TMEM150B: variants seen among roughly 807,000 people sequenced by gnomAD.
TMEM150B encodes the protein modulator of macroautophagy TMEM150B.
A neutral mutation model predicts 25.2 loss-of-function variants in TMEM150B; 33 were observed. The ratio of observed to expected loss-of-function variants is 1.31; its 90% confidence interval spans 0.99 to 1.75. TMEM150B has a LOEUF of 1.75. TMEM150B is among the 40% of genes most tolerant of loss of function. The pLI is 0.00. For synonymous variants in TMEM150B, 133 were observed against 134.8 expected, an observed-to-expected ratio of 0.99 and a Z score of 0.09; for missense variants, 322 against 306.1, an observed-to-expected ratio of 1.05 and a Z score of -0.39.
intron 1 of TMEM150B, among the ~76,000 whole-genome samples, chr19:55,323,492 A>G (rs1273979489): frequency 6.6e-6 from 1 of 151,664 alleles, no homozygotes; most frequent in Non-Finnish European, 1.5e-5. Flanking sequence ...AATGTTATGC[A>G]ACCATCGCCT....
At chr19:55,312,707 G>C, downstream of TMEM150B, 1 of 745,088 alleles carries the variant, frequency 1.3e-6, no homozygotes. Context: ...CTCCGCGCCG[G>C]CACACAGGTC....
chr19:55,315,319 AAAT>A (rs1376653878), intron 7 of TMEM150B, among the ~76,000 whole-genome samples: 6 of 151,438 alleles, frequency 4.0e-5, no homozygotes, highest in African/African-American at 1.2e-4. Flanking sequence ...CCATCTCAAA[AAAT>A]AATAATAACA....
At chr19:55,311,738 G>A (rs903630541), downstream of TMEM150B, among the ~76,000 whole-genome samples, 2 of 152,146 alleles carry the variant, frequency 1.3e-5, no homozygotes, top group South Asian at 2.1e-4. Context: ...TGTGTCCTCC[G>A]AGTAACCAAT....
At chr19:55,324,804 G>A (rs972496411) in intron 1 of TMEM150B, 9 of 985,114 alleles carry the variant, frequency 9.1e-6, no homozygotes, top group African/African-American at 5.2e-5. Context: ...TTCTTTTTCC[G>A]GAGGTCTCCG....
At chr19:55,320,699 C>A in intron 3 of TMEM150B, 82 bp from the exon 4 acceptor site, 4 of 1,532,876 alleles carry the variant, frequency 2.6e-6, no homozygotes, top group Non-Finnish European at 3.6e-6. Context: ...GACTTCTAGC[C>A]CCCTCCACCC....
At chr19:55,320,533 A>T (rs750510406) in intron 4 of TMEM150B, 25 bp downstream of exon 4, 1 of 1,613,784 alleles carries the variant, frequency 6.2e-7, no homozygotes, top group Non-Finnish European at 8.5e-7. Flanking sequence ...GATCCCCCCA[A>T]ATCCCTACCC....
At chr19:55,324,404 C>T (rs1206453841) in intron 1 of TMEM150B, among the ~76,000 whole-genome samples, 1 of 151,922 alleles carries the variant, frequency 6.6e-6, no homozygotes, top group South Asian at 2.1e-4. Flanking sequence ...AATCCCAGCA[C>T]TTTGGGAGGC....
downstream of TMEM150B, chr19:55,311,916 A>G: frequency 6.2e-7 from 1 of 1,611,528 alleles, no homozygotes; most frequent in Non-Finnish European, 8.5e-7. Context: ...TGCAGACGAG[A>G]AGAACGGGGC....
At chr19:55,315,638 G>C (rs984205404) in intron 7 of TMEM150B, among the ~76,000 whole-genome samples, 1 of 152,104 alleles carries the variant, frequency 6.6e-6, no homozygotes, top group African/African-American at 2.4e-5. Flanking sequence ...GCTGGCGCCT[G>C]TAGTCCCAGC....
intron 6 of TMEM150B, among the ~76,000 whole-genome samples, chr19:55,318,707 G>A (rs1268955366): frequency 6.6e-6 from 1 of 152,196 alleles, no homozygotes; most frequent in Non-Finnish European, 1.5e-5. Flanking sequence ...GAGTCTTCAT[G>A]GAGATGGAAT....
At chr19:55,310,581 C>CA (rs1233394035), downstream of TMEM150B, among the ~76,000 whole-genome samples, 1 of 145,230 alleles carries the variant, frequency 6.9e-6, no homozygotes, top group Admixed American at 7.0e-5. The surrounding 1 kb of genome is among the most constrained non-coding windows in gnomAD (Gnocchi z 5.0). Flanking sequence ...TGTCTGGAGA[C>CA]ATTTTTCCTC....
At position 55,321,013 on chromosome 19, in the gene TMEM150B, C is replaced by T. The variant is rs937438110; in HGVS notation, c.24G>A (p.Met8Ile). MWGYLSL[M>I]PVFLAVWAIS... ...TAGCCCAGACAGCTAGGAAGACAGG[C>T]ATCAGCGACAGGTAGCCCCACATGC... The change falls in exon 3 of 8, where the codon ATG becomes ATA. Residue 8 changes from methionine to isoleucine, a missense_variant. Coordinates refer to ENST00000326652, the MANE Select transcript of TMEM150B (RefSeq NM_001282011.2). 2 of 1,613,928 alleles carry T rather than the reference C, an allele frequency of 1.2e-6. No homozygotes were observed. The highest frequency in any genetic ancestry group is 1.7e-6 in the Non-Finnish European group (2 of 1,179,886).
chr19:55,321,617 C>G (rs1441530517), intron 2 of TMEM150B, among the ~76,000 whole-genome samples: 2 of 152,066 alleles, frequency 1.3e-5, no homozygotes, highest in Non-Finnish European at 2.9e-5. Context: ...GGGCCCCTAA[C>G]TTCCTTCCTC....
At position 55,316,970 on chromosome 19, in the gene TMEM150B, G is replaced by A. The variant is rs1160888365; in HGVS notation, c.325-4C>T. 2 of 1,594,006 alleles carry A rather than the reference G, an allele frequency of 1.3e-6. No individual in the cohort carries two copies. Among genetic ancestry groups the A allele is most frequent in the Admixed American group, 3.7e-5 (2 of 54,450 alleles). On this transcript the variant is annotated splice_polypyrimidine_tract_variant and splice_region_variant and intron_variant, in intron 6 of 7. Coordinates refer to ENST00000326652, the MANE Select transcript of TMEM150B (RefSeq NM_001282011.2). ...GCGTAGGCCGCTGGTTCTTTTCCTG[G>A]GAGGAGAAGGGAGAAGTTGGGAGGG...
At chr19:55,314,801 C>G (rs755926409) in intron 7 of TMEM150B, among the ~76,000 whole-genome samples, 4 of 152,194 alleles carry the variant, frequency 2.6e-5, no homozygotes, top group Non-Finnish European at 4.4e-5. Context: ...TGTGAAGATA[C>G]ACTTTGTCAC....
intron 3 of TMEM150B, 135 bp from the exon 4 acceptor site, chr19:55,320,752 C>A: frequency 8.6e-7 from 1 of 1,163,524 alleles, no homozygotes; most frequent in Middle Eastern, 2.7e-4. Context: ...TCCCTCAGAC[C>A]CAGGAGTCCA....
In TMEM150B at chr19:55,321,000, C is replaced by G; in HGVS notation, c.37G>C (p.Ala13Pro). 1 of 1,613,954 alleles carries G rather than the reference C, an allele frequency of 6.2e-7. No homozygotes were observed. Among genetic ancestry groups the G allele is most frequent in the East Asian group, 2.2e-5 (1 of 44,858 alleles). ...GYLSLMPVFL[A>P]VWAISGVWIV... ...CAGACGCCAGAGATAGCCCAGACAG[C>G]TAGGAAGACAGGCATCAGCGACAGG... The change falls in exon 3 of 8, where the codon GCT (alanine) becomes CCT (proline). Residue 13 changes from alanine (A) to proline (P), a missense_variant. Ala to Pro is a conservative substitution (Grantham distance 27). Transcript: ENST00000326652.
downstream of TMEM150B, chr19:55,312,709 A>G: frequency 2.6e-6 from 2 of 761,904 alleles, no homozygotes; most frequent in East Asian, 5.5e-5. Flanking sequence ...CCGCGCCGGC[A>G]CACAGGTCCT....
chr19:55,319,482 AT>A (rs2089128905), intron 6 of TMEM150B: 2 of 96,648 alleles, frequency 2.1e-5, no homozygotes, highest in Non-Finnish European at 3.8e-5. Context: ...TCTCACTCTT[AT>A]CCCCCAGGTT....
Sources: gnomAD v4.1 joint callset for allele counts (sites outside exome capture counted in the v4.1 genomes callset) on GRCh38, gnomAD v4.1.1 for gene constraint, Gnocchi (gnomAD v3.1) non-coding constraint, MANE v1.5 for transcripts, NCBI Gene and HGNC (gene_info 2026-07-23, HGNC 2026-07-21) for gene names.